MBD5: variants seen among roughly 807,000 people sequenced by gnomAD.
MBD5 encodes the protein methyl-CpG-binding domain protein 5.
A neutral mutation model predicts 117.3 loss-of-function variants in MBD5; 13 were observed. The observed-to-expected ratio is 0.11, with a 90% CI of 0.07 to 0.18. The LOEUF is 0.18. Among genes scored for constraint, MBD5 ranks in the 10% least tolerant of loss-of-function variants. MBD5 has a pLI of 1.00. For synonymous variants in MBD5, 727 were observed against 766.4 expected (o/e 0.95, Z 0.85); for missense variants, 1,879 against 2,093.8 (o/e 0.90, Z 2.00).
intron 6 of MBD5, 52 bp downstream of exon 6, chr2:148,462,736 G>A (rs2105572254): frequency 8.3e-7 from 1 of 1,208,398 alleles, no homozygotes; most frequent in Non-Finnish European, 1.2e-6. Flanking sequence ...TAGGTATTTT[G>A]TATATTTGTT....
chr2:148,399,937 T>A (rs1027297091), intron 4 of MBD5, among the ~76,000 whole-genome samples: 13 of 152,210 alleles, frequency 8.5e-5, no homozygotes, highest in African/African-American at 3.1e-4. Flanking sequence ...GTTGGTCCTG[T>A]TTATATGCTG....
chr2:148,398,599 G>A (rs1026620478), intron 4 of MBD5, among the ~76,000 whole-genome samples: 11 of 152,102 alleles, frequency 7.2e-5, no homozygotes, highest in Admixed American at 1.3e-4. Flanking sequence ...CCATTCTGTA[G>A]GTTGCCTGTT....
At position 148,469,325 on chromosome 2, in the gene MBD5, G is replaced by A. The variant is rs139964770; in HGVS notation, c.1382G>A (p.Arg461His). 574 of 1,613,554 alleles carry A rather than the reference G, an allele frequency of 3.6e-4. 1 individual carries two copies. Among genetic ancestry groups the A allele is most frequent in the Non-Finnish European group, 4.6e-4 (541 of 1,179,934 alleles). ...GRIEASPQRS[R>H]SSSTSSDHGN... ...ATTGAGGCATCGCCCCAAAGATCAC[G>A]CTCATCTTCCACATCATCAGATCAT... Residue 461 changes from arginine to histidine, a missense_variant, in exon 8 of 14, where the codon CGC becomes CAC. By Grantham distance (29) the Arg-to-His change is conservative. This residue lies in a region of MBD5 where 1,666 missense variants were observed against 1,792.2 expected (regional missense o/e 0.93). Transcript: ENST00000642680.
At chr2:148,311,472 C>T (rs1382459881) in intron 3 of MBD5, among the ~76,000 whole-genome samples, 1 of 151,964 alleles carries the variant, frequency 6.6e-6, no homozygotes, top group Non-Finnish European at 1.5e-5. Context: ...GATTGCAACC[C>T]CTGCTTTTTA....
intron 3 of MBD5, among the ~76,000 whole-genome samples, chr2:148,271,682 A>T (rs535255121): frequency 2.6e-5 from 4 of 152,138 alleles, no homozygotes; most frequent in Non-Finnish European, 5.9e-5. Flanking sequence ...TTTTTAATTG[A>T]CAAAAATTGT....
chr2:148,480,513 A>G (rs1042569108), intron 8 of MBD5, among the ~76,000 whole-genome samples: 17 of 152,138 alleles, frequency 1.1e-4, no homozygotes, highest in Non-Finnish European at 2.2e-4. Context: ...CTTGCCACAG[A>G]TAGTGCCACA....
intron 6 of MBD5, 43 bp from the exon 7 acceptor site, chr2:148,463,696 G>A: frequency 1.2e-6 from 2 of 1,600,416 alleles, no homozygotes; most frequent in Non-Finnish European, 1.7e-6. Flanking sequence ...TTTATTAAAT[G>A]TTTTTACAGA....
Position 148,484,057 on chromosome 2 carries a change from A to G in MBD5, c.3466A>G (p.Thr1156Ala). The G allele has an allele frequency of 6.5e-7, 1 of 1,549,562 alleles. No individual in the cohort carries two copies. Among genetic ancestry groups the G allele is most frequent in the Non-Finnish European group, 8.7e-7 (1 of 1,146,424 alleles). The change falls in exon 9 of 14, where the codon ACA becomes GCA. Residue 1156 changes from threonine to alanine, a missense_variant. Transcript: ENST00000642680. ...GAATATATCTAATAATGCTGGGAAT[A>G]CACCTGGTCCAGCTAAACTCAACAG... Reference protein sequence around the residue: ...LLNISNNAGNTPGPAKLNSNS... With the variant: ...LLNISNNAGNAPGPAKLNSNS...
At chr2:148,101,652 A>G (rs564052967) in intron 1 of MBD5, among the ~76,000 whole-genome samples, 2 of 152,334 alleles carry the variant, frequency 1.3e-5, no homozygotes, top group South Asian at 4.1e-4. Context: ...TCATCTTTAC[A>G]AACATGCTAG....
intron 4 of MBD5, among the ~76,000 whole-genome samples, chr2:148,351,442 C>A (rs1324334206): frequency 6.6e-6 from 1 of 152,124 alleles, no homozygotes; most frequent in African/African-American, 2.4e-5. Context: ...ATCAGTACAT[C>A]ATCTCTTTTT....
intron 3 of MBD5, among the ~76,000 whole-genome samples, chr2:148,278,733 G>C (rs942870731): frequency 6.6e-6 from 1 of 152,190 alleles, no homozygotes; most frequent in Admixed American, 6.5e-5. Context: ...TATGGAGGCA[G>C]AGAAATCCCA....
At chr2:148,491,223 C>G (rs1681515154) in intron 11 of MBD5, among the ~76,000 whole-genome samples, 2 of 151,166 alleles carry the variant, frequency 1.3e-5, no homozygotes, top group Admixed American at 1.3e-4. Context: ...ACAATTAGAT[C>G]ACATAAATTA....
intron 4 of MBD5, among the ~76,000 whole-genome samples, chr2:148,386,169 A>G (rs1196566987): frequency 6.6e-6 from 1 of 152,192 alleles, no homozygotes; most frequent in African/African-American, 2.4e-5. Flanking sequence ...TTTTCAATTT[A>G]TTAAGTTATA....
At chr2:148,446,969 G>C (rs1234733032) in intron 4 of MBD5, among the ~76,000 whole-genome samples, 3 of 151,778 alleles carry the variant, frequency 2.0e-5, no homozygotes, top group Non-Finnish European at 4.4e-5. Context: ...ATGAGTAATT[G>C]TACAATTAGA....
chr2:148,196,554 C>T (rs1233492968), intron 2 of MBD5, among the ~76,000 whole-genome samples: 1 of 152,128 alleles, frequency 6.6e-6, no homozygotes, highest in Non-Finnish European at 1.5e-5. Flanking sequence ...ATAGGTACAT[C>T]TCCATTTGTG....
chr2:148,162,307 T>A (rs985985527), intron 1 of MBD5, among the ~76,000 whole-genome samples: 5 of 152,166 alleles, frequency 3.3e-5, no homozygotes, highest in Non-Finnish European at 1.5e-5. Context: ...CCCCTGTCCA[T>A]TTACTGAGAC....
chr2:148,189,226 C>A (rs372182666), intron 2 of MBD5, among the ~76,000 whole-genome samples: 1 of 147,504 alleles, frequency 6.8e-6, no homozygotes, highest in Admixed American at 6.7e-5. Flanking sequence ...ACAAAGCAGC[C>A]GGGAAGCTCG....
chr2:148,492,879 G>A (rs1449475747), intron 11 of MBD5, among the ~76,000 whole-genome samples: 1 of 152,090 alleles, frequency 6.6e-6, no homozygotes. Context: ...ATGTATTTCA[G>A]AGAGATATCT....
At chr2:148,362,297 G>A (rs943322069) in intron 4 of MBD5, among the ~76,000 whole-genome samples, 1 of 152,124 alleles carries the variant, frequency 6.6e-6, no homozygotes, top group Non-Finnish European at 1.5e-5. Context: ...GAGCTTGGTG[G>A]GGGGAGGGGC....
Sources: gnomAD v4.1 joint callset for allele counts (sites outside exome capture counted in the v4.1 genomes callset) on GRCh38, gnomAD v4.1.1 for gene constraint, gnomAD v4.1.1 regional missense constraint, MANE v1.5 for transcripts, NCBI Gene and HGNC (gene_info 2026-07-23, HGNC 2026-07-21) for gene names.